The following L3MBTL3 variants were observed in gnomAD, a reference collection of about 807,000 sequenced individuals.
L3MBTL3 encodes lethal(3)malignant brain tumor-like protein 3.
Under a neutral mutation model 102.3 loss-of-function variants are expected in L3MBTL3, and 27 were observed. The observed-to-expected ratio is 0.26, with a 90% CI of 0.19 to 0.36. L3MBTL3 has a LOEUF of 0.36. L3MBTL3 is among the 10% of genes least tolerant of loss of function. The pLI is 1.00. For missense variants in L3MBTL3, 798 were observed against 955.3 expected (o/e 0.84, Z 2.17); for synonymous variants, 340 against 320.9 (o/e 1.06, Z -0.64).
At chr6:130,126,225 G>A (rs1786599373) in intron 20 of L3MBTL3, among the ~76,000 whole-genome samples, 1 of 151,464 alleles carries the variant, frequency 6.6e-6, no homozygotes, top group African/African-American at 2.4e-5. Flanking sequence ...AATTTAAATT[G>A]TTGTATTCCT....
At chr6:130,084,632 C>T (rs73600284) in intron 15 of L3MBTL3, among the ~76,000 whole-genome samples, 3,196 of 152,236 alleles carry the variant, frequency 0.021, 100 homozygotes, top group African/African-American at 0.073. Flanking sequence ...TTATCTCCCA[C>T]CCTTTAACTT....
At chr6:130,051,565 A>C (rs1223055796) in intron 6 of L3MBTL3, among the ~76,000 whole-genome samples, 157 bp downstream of exon 6, 1 of 152,054 alleles carries the variant, frequency 6.6e-6, no homozygotes, top group African/African-American at 2.4e-5. Flanking sequence ...CCTAACCCCT[A>C]TATGGGACCT....
At chr6:130,037,387 C>T (rs552717735) in intron 2 of L3MBTL3, among the ~76,000 whole-genome samples, 1 of 151,966 alleles carries the variant, frequency 6.6e-6, no homozygotes, top group African/African-American at 2.4e-5. Context: ...CCAAGTTTAT[C>T]CACCAGGGGG....
At chr6:130,037,554 GATTA>G (rs1780138040) in intron 2 of L3MBTL3, among the ~76,000 whole-genome samples, 1 of 152,102 alleles carries the variant, frequency 6.6e-6, no homozygotes, top group Non-Finnish European at 1.5e-5. Flanking sequence ...TTATTGATTA[GATTA>G]ATTCTTTCTC....
chr6:130,039,769 A>G (rs1055892992), intron 2 of L3MBTL3, among the ~76,000 whole-genome samples: 4 of 152,214 alleles, frequency 2.6e-5, no homozygotes, highest in African/African-American at 7.2e-5. Flanking sequence ...CTAATTTAAT[A>G]GAAGATAGCT....
At chr6:130,112,735 T>TGTG (rs71028196) in intron 19 of L3MBTL3, among the ~76,000 whole-genome samples, 2 of 151,468 alleles carry the variant, frequency 1.3e-5, no homozygotes, top group Non-Finnish European at 2.9e-5. Context: ...TGAATCCACC[T>TGTG]GGTATGCCGA....
intron 16 of L3MBTL3, among the ~76,000 whole-genome samples, 155 bp from the exon 17 acceptor site, chr6:130,092,590 A>G (rs9483081): frequency 0.041 from 6,182 of 152,122 alleles, 421 homozygotes; most frequent in African/African-American, 0.14. Context: ...TTTTTTTCAC[A>G]TTATGAGTGA....
intron 20 of L3MBTL3, among the ~76,000 whole-genome samples, chr6:130,125,500 G>T (rs1340652759): frequency 6.6e-6 from 1 of 152,108 alleles, no homozygotes; most frequent in Admixed American, 6.6e-5. Flanking sequence ...TTTTCTGTTT[G>T]ATCATTTTTG....
chr6:130,109,230 G>A (rs1785195713), intron 19 of L3MBTL3, among the ~76,000 whole-genome samples: 1 of 152,168 alleles, frequency 6.6e-6, no homozygotes, highest in Admixed American at 6.5e-5. Context: ...CCAGTAATGG[G>A]ATTGCTGGGT....
At chr6:130,049,695 T>C (rs1780968364) in intron 4 of L3MBTL3, 61 bp from the exon 5 acceptor site, 1 of 1,607,956 alleles carries the variant, frequency 6.2e-7, no homozygotes, top group Non-Finnish European at 8.5e-7. Flanking sequence ...TTTTTTCTCA[T>C]CTACTCCGAT....
At chr6:130,123,088 T>C (rs924761953) in intron 20 of L3MBTL3, among the ~76,000 whole-genome samples, 1 of 152,226 alleles carries the variant, frequency 6.6e-6, no homozygotes, top group African/African-American at 2.4e-5. Flanking sequence ...TCTTTTTAAC[T>C]CAGTGTTTAT....
chr6:130,033,025 C>T lies in L3MBTL3; in HGVS notation c.-15-9660C>T, dbSNP rs149565809. Among the ~76,000 whole-genome samples the T allele has an allele frequency of 3.9e-4, 60 of 151,942 alleles. 1 individual carries two copies. Among genetic ancestry groups the T allele is most frequent in the Non-Finnish European group, 5.9e-5 (4 of 67,970 alleles). On this transcript the variant is annotated intron_variant, in intron 2 of 22. Coordinates refer to ENST00000361794, the MANE Select transcript of L3MBTL3 (RefSeq NM_032438.4). ...TGCAAAAAATGAGAGACTGATTTGT[C>T]GGAAGTCATGGAGTGGGTAATTGTC...
chr6:130,086,055 C>T (rs902156668), intron 15 of L3MBTL3, 85 bp from the exon 16 acceptor site: 5 of 980,086 alleles, frequency 5.1e-6, no homozygotes, highest in African/African-American at 1.6e-5. Context: ...GCCTGGCCAG[C>T]TTTTTCTTCT....
At chr6:130,121,985 G>T (rs1786249244) in intron 20 of L3MBTL3, among the ~76,000 whole-genome samples, 1 of 152,204 alleles carries the variant, frequency 6.6e-6, no homozygotes, top group South Asian at 2.1e-4. Context: ...GGCAGAGGTT[G>T]CAGTGAACCA....
intron 2 of L3MBTL3, among the ~76,000 whole-genome samples, chr6:130,033,075 G>A (rs1190185951): frequency 6.6e-6 from 1 of 152,144 alleles, no homozygotes; most frequent in East Asian, 1.9e-4. Context: ...GATACGAAGA[G>A]GAGGAAAAGA....
At position 130,120,832 on chromosome 6, in the gene L3MBTL3, T is replaced by C; in HGVS notation, c.1887-47T>C. The C allele has an allele frequency of 2.1e-6, 3 of 1,435,850 alleles. No homozygotes were observed. The South Asian group carries it at 3.5e-5, about 17-fold the overall frequency. The allele number at this position is 1,435,850 out of a possible 1,614,324, so 88.9% of individuals were successfully genotyped here. On this transcript the variant is annotated intron_variant, in intron 19 of 22. Transcript: ENST00000361794. ...TTGAGATGTAGTTCTGAACCATTTT[T>C]TTAAAATGTTTCTCTTATAAAATAT...
intron 2 of L3MBTL3, among the ~76,000 whole-genome samples, chr6:130,037,055 G>GA (rs1465128824): frequency 2.6e-5 from 4 of 151,914 alleles, no homozygotes; most frequent in South Asian, 2.1e-4. Flanking sequence ...CTGTTTTTCT[G>GA]AAAAAAATAA....
intron 2 of L3MBTL3, among the ~76,000 whole-genome samples, chr6:130,037,298 A>G (rs1052527371): frequency 2.0e-5 from 3 of 152,174 alleles, no homozygotes; most frequent in African/African-American, 7.2e-5. Context: ...TGCCAAAGAA[A>G]ATAATGGAAA....
chr6:130,064,616 C>G (rs115416001), intron 10 of L3MBTL3, among the ~76,000 whole-genome samples: 7 of 152,174 alleles, frequency 4.6e-5, no homozygotes, highest in Non-Finnish European at 7.4e-5. Context: ...CCATATGGCT[C>G]GAGCCTCGGC....
Sources: gnomAD v4.1 joint callset for allele counts (sites outside exome capture counted in the v4.1 genomes callset) on GRCh38, gnomAD v4.1.1 for gene constraint, MANE v1.5 for transcripts, NCBI Gene and HGNC (gene_info 2026-07-23, HGNC 2026-07-21) for gene names.